The following OTUD4 variants were observed in gnomAD, a reference collection of about 807,000 sequenced individuals.
OTUD4 encodes OTU deubiquitinase 4.
In OTUD4, 24 loss-of-function variants were observed where a neutral mutation model predicts 130.4. The ratio of observed to expected loss-of-function variants is 0.18; its 90% CI spans 0.13 to 0.26. The LOEUF (loss-of-function observed/expected upper bound fraction) is 0.26, where lower values mean the gene tolerates loss of function less well. OTUD4 is among the 10% of genes least tolerant of loss of function. The probability of loss-of-function intolerance (pLI) is 1.00; values close to 1 mark genes in which losing one functional copy is unlikely to be tolerated. For synonymous variants in OTUD4, 420 were observed against 472.5 expected, an observed-to-expected ratio of 0.89 and a Z score of 1.44; for missense variants, 1,031 against 1,329.4, an observed-to-expected ratio of 0.78 and a Z score of 3.49.
intron 7 of OTUD4, chr4:145,159,189 G>A: frequency 9.3e-7 from 1 of 1,071,948 alleles, no homozygotes; most frequent in Non-Finnish European, 1.1e-6. Flanking sequence ...GTGAACAATT[G>A]ACAAGTTAAC....
Position 145,152,530 on chromosome 4 carries a change from G to C in OTUD4, c.968+11C>G, listed in dbSNP as rs372095236. 37 of 1,452,278 alleles carry C rather than the reference G, an allele frequency of 2.5e-5. No individual in the cohort carries two copies. The highest frequency in any genetic ancestry group is 3.4e-5 in the Non-Finnish European group (35 of 1,036,414). 90.0% of individuals were successfully genotyped at this position (1,452,278 alleles called of 1,614,324 possible). On this transcript the variant is annotated intron_variant, in intron 11 of 20. Transcript: ENST00000447906. ...AGGCAGTAAATGCCTTAGCTGAAGA[G>C]TAGTACATACTTCTTTCCCAGTTCT...
chr4:145,179,732 A>T lies in OTUD4; in HGVS notation c.159+83T>A, dbSNP rs1312297088. On this transcript the variant is annotated intron_variant, in intron 1 of 20. Transcript: ENST00000447906. ...GCAGCCCCGGCCGTGGGCGGCCCGG[A>T]CAGCCCGCAGCTGCCTCCCCACCCA... The T allele has an allele frequency of 1.1e-4, 150 of 1,425,184 alleles. 1 individual carries two copies. In the East Asian group the frequency reaches 3.7e-3, roughly 35 times the overall value. The allele number at this position is 1,425,184 out of a possible 1,614,324, so 88.3% of individuals were successfully genotyped here. A position where few individuals can be genotyped will look rare whatever the true frequency, so the allele number is the denominator to read the frequency against.
In OTUD4 at chr4:145,134,584, T is replaced by C. The variant is rs1750147487; in HGVS notation, c.*2846A>G. The C allele has an allele frequency of 1.0e-5, 4 of 397,334 alleles. No individual in the cohort carries two copies. Among genetic ancestry groups the C allele is most frequent in the Non-Finnish European group, 1.8e-5 (4 of 225,608 alleles). The allele number at this position is 397,334 out of a possible 1,614,324, so 24.6% of individuals were successfully genotyped here. ...AGAATACAGTCTGCATTAAATAAGA[T>C]ATATCAGCATTGTGGTCTGGGAAAA... On this transcript the variant is annotated 3_prime_UTR_variant, in exon 21 of 21. Coordinates refer to ENST00000447906, the MANE Select transcript of OTUD4 (RefSeq NM_001366057.1).
In OTUD4 at chr4:145,155,829, C is replaced by A. The variant is rs1319148366; in HGVS notation, c.690+107G>T. ...CCAAATCAATTTCTGAGTAGATGAT[C>A]CTGACTTGACTGAAATGTACCAGAA... On this transcript the variant is annotated intron_variant, in intron 8 of 20. Coordinates refer to ENST00000447906, the MANE Select transcript of OTUD4 (RefSeq NM_001366057.1). 4 of 1,030,150 alleles carry A rather than the reference C, an allele frequency of 3.9e-6. No individual in the cohort carries two copies. In the Admixed American group the frequency reaches 7.7e-5, roughly 20 times the overall value. The allele number at this position is 1,030,150 out of a possible 1,614,324, so 63.8% of individuals were successfully genotyped here. A position where few individuals can be genotyped will look rare whatever the true frequency, so the allele number is the denominator to read the frequency against.
rs908991153 is a variant in OTUD4, at chr4:145,133,746, T to C, written c.*3684A>G. ...CTCTTATTTTATACATTCAGATATG[T>C]TTGAAACACTTCTTAAGGCTACAAA... On this transcript the variant is annotated 3_prime_UTR_variant, in exon 21 of 21. Transcript: ENST00000447906. 3.3e-5 allele frequency: 5 copies of C among 152,562 alleles called. No individual in the cohort carries two copies. The highest frequency in any genetic ancestry group is 1.2e-4 in the African/African-American group (5 of 41,432). 9.5% of individuals were successfully genotyped at this position (152,562 alleles called of 1,614,324 possible).
At position 145,137,292 on chromosome 4, in the gene OTUD4, A is replaced by G. The variant is rs1235339860; in HGVS notation, c.*138T>C. Reference sequence around the variant, plus strand: ...AACTCATGTCCAAAATGTCTTGTCCAGTATGGGAGTGAAGGTAAGGGGGGC... The same window carrying G: ...AACTCATGTCCAAAATGTCTTGTCCGGTATGGGAGTGAAGGTAAGGGGGGC... On this transcript the variant is annotated 3_prime_UTR_variant, in exon 21 of 21. Transcript: ENST00000447906. The G allele has an allele frequency of 1.5e-6, 1 of 678,698 alleles. No homozygotes were observed. The highest frequency in any genetic ancestry group is 2.5e-6 in the Non-Finnish European group (1 of 399,356). 42.0% of individuals were successfully genotyped at this position (678,698 alleles called of 1,614,324 possible).
intron 3 of OTUD4, 116 bp downstream of exon 3, chr4:145,171,554 T>C (rs1301914511): frequency 3.4e-6 from 2 of 591,000 alleles, no homozygotes; most frequent in East Asian, 3.0e-5. Context: ...GGAAATAGGA[T>C]ACACCGTCAC....
At chr4:145,166,207 T>C (rs950819581) in intron 3 of OTUD4, among the ~76,000 whole-genome samples, 1 of 147,918 alleles carries the variant, frequency 6.8e-6, no homozygotes, top group African/African-American at 2.5e-5. Context: ...AAGCAGAAAA[T>C]TGGGAAGTAT....
chr4:145,164,259 G>C, intron 4 of OTUD4, 33 bp from the exon 5 acceptor site: 1 of 954,950 alleles, frequency 1.0e-6, no homozygotes, highest in Non-Finnish European at 1.6e-6. Flanking sequence ...ATTTATAATG[G>C]ACTATACTTC....
intron 2 of OTUD4, among the ~76,000 whole-genome samples, chr4:145,173,326 G>A (rs912231544): frequency 1.7e-4 from 26 of 152,114 alleles, no homozygotes; most frequent in Middle Eastern, 3.4e-3. Context: ...CCCGGGAGGC[G>A]GAGCTTGCAG....
At position 145,156,144 on chromosome 4, in the gene OTUD4, A is replaced by C. The variant is rs555600942; in HGVS notation, c.630-148T>G. ...CTCATACAAGTTTTGGTACAAGTAT[A>C]TCTATATATAAAAGGGTATATGTAT... is the stretch of plus-strand genomic sequence containing the variant. On this transcript the variant is annotated intron_variant, in intron 7 of 20. Transcript: ENST00000447906. 21 of 576,234 alleles carry C rather than the reference A, an allele frequency of 3.6e-5. No homozygotes were observed. The South Asian group carries it at 5.3e-4, about 15-fold the overall frequency. 35.7% of individuals were successfully genotyped at this position (576,234 alleles called of 1,614,324 possible). A position where few individuals can be genotyped will look rare whatever the true frequency, so the allele number is the denominator to read the frequency against.
In OTUD4 at chr4:145,159,702, C is replaced by A. The variant is rs954821447; in HGVS notation, c.497-67G>T. ...GCAGTTTTTTAAAAACAGGAACAGA[C>A]CATCACATTGTAACTTTCTATTGCT... On this transcript the variant is annotated intron_variant, in intron 6 of 20. Transcript: ENST00000447906. 2.1e-5 allele frequency: 30 copies of A among 1,449,006 alleles called. No individual in the cohort carries two copies. The African/African-American group carries it at 3.4e-4, about 16-fold the overall frequency. 89.8% of individuals were successfully genotyped at this position (1,449,006 alleles called of 1,614,324 possible).
At position 145,178,160 on chromosome 4, in the gene OTUD4, G is replaced by C. The variant is rs535341589; in HGVS notation, c.159+1655C>G. On this transcript the variant is annotated intron_variant, in intron 1 of 20. Coordinates refer to ENST00000447906, the MANE Select transcript of OTUD4 (RefSeq NM_001366057.1). ...AACAAAGAGTTCTTAGTGTAAACTA[G>C]CTCTTGCCCCTTTTCTACTTAAAAA... The C allele has an allele frequency of 1.1e-4, 16 of 152,260 alleles. No homozygotes were observed. In the East Asian group the frequency reaches 3.1e-3, roughly 29 times the overall value. The allele number at this position is 152,260 out of a possible 1,614,324, so 9.4% of individuals were successfully genotyped here. A position where few individuals can be genotyped will look rare whatever the true frequency, so the allele number is the denominator to read the frequency against.
chr4:145,170,446 T>G (rs1752101127), intron 3 of OTUD4, among the ~76,000 whole-genome samples: 1 of 152,244 alleles, frequency 6.6e-6, no homozygotes, highest in Admixed American at 6.5e-5. Context: ...ATTTCCTATT[T>G]AGAATCCATT....
Position 145,155,665 on chromosome 4 carries a change from A to G in OTUD4, c.712T>C (p.Ser238Pro), listed in dbSNP as rs1447507621. The G allele has an allele frequency of 6.2e-7, 1 of 1,606,730 alleles. No homozygotes were observed. The highest frequency in any genetic ancestry group is 8.5e-7 in the Non-Finnish European group (1 of 1,176,482). Residue 238 changes from serine to proline, a missense_variant, in exon 9 of 21, where the codon TCT becomes CCT. Transcript: ENST00000447906. ...GNEQLKNNGN[S>P]TSLPLSRKVL... ...TTTCTAGACAAAGGCAGGCTAGTAG[A>G]GTTCCCATTGTTCTTCAGCTGCTAA...
rs1026770392 is a variant in OTUD4 at position 145,136,581 on chromosome 4, A to C, written c.*849T>G. 6.7e-6 allele frequency: 1 copy of C among 150,274 alleles called. No individual in the cohort carries two copies. The highest frequency in any genetic ancestry group is 2.5e-5 in the African/African-American group (1 of 40,776). 9.3% of individuals were successfully genotyped at this position (150,274 alleles called of 1,614,324 possible). Reference sequence around the variant, plus strand: ...TGCATTAGTGTTAAAGTGGCATTAAAAAAACTTCTGCAGTTCTAACTGATG... The same window carrying C: ...TGCATTAGTGTTAAAGTGGCATTAACAAAACTTCTGCAGTTCTAACTGATG... On this transcript the variant is annotated 3_prime_UTR_variant, in exon 21 of 21. Transcript: ENST00000447906.
chr4:145,143,566 T>C, intron 16 of OTUD4, 121 bp from the exon 17 acceptor site: 1 of 620,936 alleles, frequency 1.6e-6, no homozygotes, highest in East Asian at 2.8e-5. Context: ...CCACTGAGTA[T>C]TTTTTCCAAT....
chr4:145,150,485 A>G (rs1751016146), intron 13 of OTUD4, 28 bp downstream of exon 13: 4 of 1,513,342 alleles, frequency 2.6e-6, no homozygotes, highest in Non-Finnish European at 1.8e-6. Context: ...CTTGATTTCT[A>G]TACTTCTCTT....
At position 145,180,408 on chromosome 4, in the gene OTUD4, G is replaced by A. The variant is rs1752638947; in HGVS notation, c.-435C>T. On this transcript the variant is annotated 5_prime_UTR_variant, in exon 1 of 21. Coordinates refer to ENST00000447906, the MANE Select transcript of OTUD4 (RefSeq NM_001366057.1). ...CCGGCTCAGGTGAAGCGGGGCCTGCGCCCCCGCGCACTCCCCACGCCGGGA... is the reference window on the plus strand; with the variant it reads ...CCGGCTCAGGTGAAGCGGGGCCTGCACCCCCGCGCACTCCCCACGCCGGGA... Among the ~76,000 whole-genome samples the A allele has an allele frequency of 6.6e-6, 1 of 152,154 alleles. No homozygotes were observed. Among genetic ancestry groups the A allele is most frequent in the African/African-American group, 2.4e-5 (1 of 41,460 alleles).
Sources: gnomAD v4.1 joint callset for allele counts (sites outside exome capture counted in the v4.1 genomes callset) on GRCh38, gnomAD v4.1.1 for gene constraint, MANE v1.5 for transcripts, NCBI Gene and HGNC (gene_info 2026-07-23, HGNC 2026-07-21) for gene names.